STX18: variants seen among roughly 807,000 people sequenced by gnomAD.
STX18 encodes the protein syntaxin-18.
STX18 carries 40 observed loss-of-function variants against 50.1 expected under a neutral mutation model. The observed-to-expected ratio is 0.80, with a 90% CI of 0.62 to 1.04. The LOEUF (loss-of-function observed/expected upper bound fraction) is 1.04. Ranked by LOEUF, STX18 falls within the 50% of genes least tolerant of loss-of-function variation. The pLI is 0.00. For synonymous variants in STX18, 158 were observed against 151.8 expected (o/e 1.04, Z -0.30); for missense variants, 410 against 415.8 (o/e 0.99, Z 0.12).
Position 4,460,858 on chromosome 4 carries a change from A to C in STX18, c.237-1371T>G, listed in dbSNP as rs562417649. On this transcript the variant is annotated intron_variant, in intron 2 of 10. Transcript: ENST00000306200. ...CAGCAAGCTCGATCCCCTCTCCCCA[A>C]CCCCAGCCCACCTCCAACACCAGAT... is the stretch of plus-strand genomic sequence containing the variant. Among the ~76,000 whole-genome samples the C allele has an allele frequency of 3.3e-5, 5 of 152,108 alleles. No individual in the cohort carries two copies. In the South Asian group the frequency reaches 1.0e-3, roughly 32 times the overall value.
rs1414510035 is a variant in STX18 at position 4,459,609 on chromosome 4, T to C, written c.237-122A>G. The C allele has an allele frequency of 1.1e-5, 8 of 717,378 alleles. No individual in the cohort carries two copies. In the East Asian group the frequency reaches 1.2e-4, roughly 11 times the overall value. 44.4% of individuals were successfully genotyped at this position (717,378 alleles called of 1,614,324 possible). ...GACATTTAAGCTGAGACTTGAAGGG[T>C]GAGGAGGAACAGGCCAGGTGAAAAG... On this transcript the variant is annotated intron_variant, in intron 2 of 10. Coordinates refer to ENST00000306200, the MANE Select transcript of STX18 (RefSeq NM_016930.4).
intron 1 of STX18, among the ~76,000 whole-genome samples, chr4:4,481,075 G>A (rs565644961): frequency 5.3e-5 from 8 of 152,204 alleles, no homozygotes; most frequent in Non-Finnish European, 8.8e-5. Context: ...GTCACCCACA[G>A]AACAGCCTTG....
chr4:4,427,070 A>C (rs1418074977), intron 7 of STX18, among the ~76,000 whole-genome samples: 1 of 151,228 alleles, frequency 6.6e-6, no homozygotes, highest in Non-Finnish European at 1.5e-5. Flanking sequence ...CATTTCTCAC[A>C]CTTGTTCAGG....
At chr4:4,478,394 T>C (rs1417614859) in intron 1 of STX18, among the ~76,000 whole-genome samples, 1 of 152,194 alleles carries the variant, frequency 6.6e-6, no homozygotes, top group Non-Finnish European at 1.5e-5. Flanking sequence ...TCAGAAAGAC[T>C]GGCAGTACAA....
At chr4:4,455,780 G>A (rs1438230771) in intron 5 of STX18, among the ~76,000 whole-genome samples, 1 of 152,204 alleles carries the variant, frequency 6.6e-6, no homozygotes, top group Non-Finnish European at 1.5e-5. Flanking sequence ...CACATGCTGT[G>A]TGACTCCACT....
chr4:4,459,359 C>T lies in STX18; in HGVS notation c.352+13G>A, dbSNP rs963331385. The T allele has an allele frequency of 5.6e-6, 9 of 1,599,382 alleles. No homozygotes were observed. Among genetic ancestry groups the T allele is most frequent in the Non-Finnish European group, 7.7e-6 (9 of 1,167,008 alleles). On this transcript the variant is annotated intron_variant, in intron 3 of 10. Transcript: ENST00000306200. ...TTCATGGTTGCTTGTTTGCATCTTT[C>T]AGAGCACTTTACCTTCTGTTCGTAG...
intron 1 of STX18, among the ~76,000 whole-genome samples, chr4:4,522,014 T>C (rs559975039): frequency 1.3e-5 from 2 of 152,302 alleles, no homozygotes; most frequent in Admixed American, 6.5e-5. Flanking sequence ...CAATATCTAC[T>C]GTACAGGACA....
intron 2 of STX18, among the ~76,000 whole-genome samples, chr4:4,462,592 T>C (rs1048706866): frequency 6.6e-6 from 1 of 152,012 alleles, no homozygotes; most frequent in Non-Finnish European, 1.5e-5. Flanking sequence ...CTGGGTATCA[T>C]GTCATATGCC....
intron 1 of STX18, chr4:4,499,383 A>G (rs1729331017): frequency 2.5e-6 from 1 of 405,316 alleles, no homozygotes; most frequent in East Asian, 1.6e-4. Context: ...GGAATGGAGG[A>G]CTTCAAAATA....
chr4:4,508,043 T>A (rs1005451426), intron 1 of STX18, among the ~76,000 whole-genome samples: 5 of 152,170 alleles, frequency 3.3e-5, no homozygotes, highest in Non-Finnish European at 7.3e-5. Context: ...GTTTTTAACT[T>A]CAACACTAGC....
At chr4:4,425,512 C>T (rs527377733) in intron 7 of STX18, 5 of 532,242 alleles carry the variant, frequency 9.4e-6, no homozygotes, top group Admixed American at 3.2e-5. Context: ...TCTACCTACC[C>T]GCTCTCCCCT....
At chr4:4,514,810 G>C (rs1730170103) in intron 1 of STX18, among the ~76,000 whole-genome samples, 1 of 151,996 alleles carries the variant, frequency 6.6e-6, no homozygotes, top group Non-Finnish European at 1.5e-5. Context: ...TTCTTTCTTT[G>C]GATCAGATAA....
intron 1 of STX18, among the ~76,000 whole-genome samples, chr4:4,515,840 AC>A (rs1420583149): frequency 6.6e-6 from 1 of 151,108 alleles, no homozygotes; most frequent in East Asian, 1.9e-4. Flanking sequence ...CCCCTCCCCA[AC>A]CCCATGCAGT....
chr4:4,513,342 G>C (rs778328009), intron 1 of STX18, among the ~76,000 whole-genome samples: 10 of 151,880 alleles, frequency 6.6e-5, no homozygotes, highest in Admixed American at 5.2e-4. Flanking sequence ...AGTAGAAGTA[G>C]ACTCAAGCGC....
rs1266990773 is a variant in STX18 at position 4,541,910 on chromosome 4, G to A, written c.55C>T (p.Arg19Trp). 6.2e-7 allele frequency: 1 copy of A among 1,610,446 alleles called. No homozygotes were observed. The highest frequency in any genetic ancestry group is 1.7e-5 in the Admixed American group (1 of 59,792). ...ACCGCCACTCCCAGCGCCTTGTTCC[G>A]CGTCTTCACGGTCTTGACGCTGGCC... ...FRASVKTVKT[R>W]NKALGVAVGG... The change falls in exon 1 of 11, where the codon CGG (arginine) becomes TGG (tryptophan). Residue 19 changes from arginine to tryptophan, a missense_variant. By Grantham distance (101) the Arg-to-Trp change is moderately radical (BLOSUM62 -3). Coordinates refer to ENST00000306200, the MANE Select transcript of STX18 (RefSeq NM_016930.4).
At chr4:4,535,712 T>C (rs1731300614) in intron 1 of STX18, among the ~76,000 whole-genome samples, 1 of 152,232 alleles carries the variant, frequency 6.6e-6, no homozygotes, top group Admixed American at 6.5e-5. Flanking sequence ...TCATGCTCTG[T>C]TCACAGCTTG....
intron 1 of STX18, among the ~76,000 whole-genome samples, chr4:4,526,672 T>C (rs1056814197): frequency 2.6e-5 from 4 of 152,126 alleles, no homozygotes; most frequent in African/African-American, 4.8e-5. Context: ...TAATGAATAT[T>C]TGAAAAGACT....
At chr4:4,470,319 G>A (rs1212217543) in intron 2 of STX18, among the ~76,000 whole-genome samples, 1 of 152,052 alleles carries the variant, frequency 6.6e-6, no homozygotes, top group African/African-American at 2.4e-5. Context: ...TTCCTAGTTG[G>A]GAAAAACAAA....
chr4:4,498,840 G>C (rs553364666), intron 1 of STX18, among the ~76,000 whole-genome samples: 32 of 152,114 alleles, frequency 2.1e-4, no homozygotes, highest in African/African-American at 7.7e-4. Flanking sequence ...CTAAACACTA[G>C]GAAGAATACA....
Sources: gnomAD v4.1 joint callset for allele counts (sites outside exome capture counted in the v4.1 genomes callset) on GRCh38, gnomAD v4.1.1 for gene constraint, MANE v1.5 for transcripts, NCBI Gene and HGNC (gene_info 2026-07-23, HGNC 2026-07-21) for gene names.